RPS6KC1: variants seen among roughly 807,000 people sequenced by gnomAD.
The protein encoded by RPS6KC1 is ribosomal protein S6 kinase C1, also known as inactive ribosomal protein S6 kinase delta-1.
RPS6KC1 carries 54 observed loss-of-function variants against 103.8 expected under a neutral mutation model. That is an observed-to-expected ratio of 0.52 (90% confidence interval 0.42 to 0.65). The LOEUF is 0.65. RPS6KC1 is among the 30% of genes least tolerant of loss of function. The pLI is 0.00. For synonymous variants in RPS6KC1, 439 were observed against 438.7 expected, an observed-to-expected ratio of 1.00 and a Z score of -0.01; for missense variants, 1,151 against 1,253.8, an observed-to-expected ratio of 0.92 and a Z score of 1.24.
intron 3 of RPS6KC1, among the ~76,000 whole-genome samples, chr1:213,096,784 C>A (rs1231937880): frequency 6.6e-6 from 1 of 152,054 alleles, no homozygotes; most frequent in African/African-American, 2.4e-5. Context: ...TGAGAGGAAT[C>A]ACTTGTATGT....
the RPS6KC1 span, among the ~76,000 whole-genome samples, chr1:213,626,228 C>A: frequency 6.6e-6 from 1 of 152,188 alleles, no homozygotes; most frequent in African/African-American, 2.4e-5. Context: ...TAAATGTCTT[C>A]TTTGGAGAAG....
At chr1:213,054,056 G>A (rs894411453) in intron 1 of RPS6KC1, among the ~76,000 whole-genome samples, 3 of 151,986 alleles carry the variant, frequency 2.0e-5, no homozygotes, top group African/African-American at 7.3e-5. Context: ...GTCTGGTCTC[G>A]AACTCCTGAC....
the RPS6KC1 span, among the ~76,000 whole-genome samples, chr1:213,400,746 A>G: frequency 1.3e-5 from 2 of 149,342 alleles, no homozygotes; most frequent in African/African-American, 5.0e-5. Flanking sequence ...TCGCTCTGTC[A>G]CCCAGGCTGG....
the RPS6KC1 span, among the ~76,000 whole-genome samples, chr1:213,554,663 C>T: frequency 6.6e-6 from 1 of 152,162 alleles, no homozygotes. Flanking sequence ...GTACCTACTT[C>T]CTCTCTCCTT....
In RPS6KC1 at chr1:213,240,745, T is replaced by C; in HGVS notation, c.1269T>C (p.Ser423=). The change falls in exon 11 of 15, where the codon AGT becomes AGC. Residue 423 remains serine (S), a synonymous_variant. Coordinates refer to ENST00000366960, the MANE Select transcript of RPS6KC1 (RefSeq NM_012424.6). Reference sequence around the variant, plus strand: ...ATATCAGTAAATTTCTAAACAGAAGTCCTGAAGAAAGCTTTGACATCAAGG... The same window carrying C: ...ATATCAGTAAATTTCTAAACAGAAGCCCTGAAGAAAGCTTTGACATCAAGG... ...WSYISKFLNR[S]PEESFDIKEV... 6.2e-7 allele frequency: 1 copy of C among 1,613,510 alleles called. No homozygotes were observed. The highest frequency in any genetic ancestry group is 8.5e-7 in the Non-Finnish European group (1 of 1,179,736).
the RPS6KC1 span, among the ~76,000 whole-genome samples, chr1:213,437,064 A>G: frequency 6.6e-6 from 1 of 152,116 alleles, no homozygotes; most frequent in Non-Finnish European, 1.5e-5. Flanking sequence ...GATAATAGAC[A>G]TCCCTATTTT....
intron 6 of RPS6KC1, among the ~76,000 whole-genome samples, chr1:213,166,388 T>C (rs556209683): frequency 2.0e-5 from 3 of 152,306 alleles, no homozygotes; most frequent in Admixed American, 6.5e-5. Flanking sequence ...ATAGCTTTTA[T>C]TATGTGGCAT....
the RPS6KC1 span, among the ~76,000 whole-genome samples, chr1:213,426,154 G>A: frequency 6.6e-6 from 1 of 152,166 alleles, no homozygotes; most frequent in African/African-American, 2.4e-5. Flanking sequence ...CACTGCCAGG[G>A]TGTGAACATT....
chr1:213,774,811 A>G, the RPS6KC1 span, among the ~76,000 whole-genome samples: 30 of 152,364 alleles, frequency 2.0e-4, no homozygotes, highest in Middle Eastern at 0.01. Context: ...TGTGTGCCAC[A>G]GAGAAATAAT....
the RPS6KC1 span, among the ~76,000 whole-genome samples, chr1:213,589,387 C>T: frequency 3.3e-5 from 5 of 152,274 alleles, 1 homozygote; most frequent in South Asian, 1.0e-3. Context: ...GGCCTGTAAT[C>T]CCAGCGCTTT....
the RPS6KC1 span, among the ~76,000 whole-genome samples, chr1:213,778,547 T>C: frequency 9.8e-5 from 15 of 152,296 alleles, no homozygotes; most frequent in Admixed American, 2.0e-4. Context: ...TGCAACAATG[T>C]GGCCTGATCC....
At chr1:213,462,618 G>T in the RPS6KC1 span, among the ~76,000 whole-genome samples, 1 of 152,162 alleles carries the variant, frequency 6.6e-6, no homozygotes, top group Admixed American at 6.5e-5. Flanking sequence ...CATGGATGAA[G>T]CTGGAAACCA....
At chr1:213,629,778 G>T in the RPS6KC1 span, among the ~76,000 whole-genome samples, 1 of 152,036 alleles carries the variant, frequency 6.6e-6, no homozygotes, top group Non-Finnish European at 1.5e-5. Context: ...GGGCAGGCCT[G>T]GTGGTGACAA....
At chr1:213,557,709 C>T in the RPS6KC1 span, among the ~76,000 whole-genome samples, 1 of 152,194 alleles carries the variant, frequency 6.6e-6, no homozygotes, top group African/African-American at 2.4e-5. Context: ...GAGGGCATGC[C>T]AGTGTTGTCT....
chr1:213,272,723 T>C lies in RPS6KC1; in HGVS notation c.*89T>C, dbSNP rs1477109236. 2 of 912,652 alleles carry C rather than the reference T, an allele frequency of 2.2e-6. No homozygotes were observed. The highest frequency in any genetic ancestry group is 1.6e-5 in the African/African-American group (1 of 61,244). The allele number at this position is 912,652 out of a possible 1,614,324, so 56.5% of individuals were successfully genotyped here. On this transcript the variant is annotated 3_prime_UTR_variant, in exon 15 of 15. Coordinates refer to ENST00000366960, the MANE Select transcript of RPS6KC1 (RefSeq NM_012424.6). ...GGCACCTCTGACTCACAGTTACTTA[T>C]GGAGCACCAAAGCATTTGGATAAAG... is the stretch of plus-strand genomic sequence containing the variant.
At chr1:213,668,834 T>C in the RPS6KC1 span, among the ~76,000 whole-genome samples, 1 of 152,222 alleles carries the variant, frequency 6.6e-6, no homozygotes. Flanking sequence ...CTGCCTCTTT[T>C]TGCACCTTTA....
the RPS6KC1 span, among the ~76,000 whole-genome samples, chr1:213,532,605 C>G: frequency 6.6e-6 from 1 of 152,244 alleles, no homozygotes; most frequent in East Asian, 1.9e-4. Flanking sequence ...TAACAGCAGA[C>G]TAACAGAATC....
the RPS6KC1 span, among the ~76,000 whole-genome samples, chr1:213,464,062 T>C: frequency 7.2e-5 from 11 of 152,218 alleles, no homozygotes; most frequent in African/African-American, 2.7e-4. Context: ...TTTGGTTCAT[T>C]ATTTTTTAGT....
the RPS6KC1 span, among the ~76,000 whole-genome samples, chr1:213,734,026 A>T: frequency 6.6e-6 from 1 of 152,232 alleles, no homozygotes; most frequent in Non-Finnish European, 1.5e-5. Flanking sequence ...GGAAAAAAGA[A>T]CACACAAGAA....
Sources: allele counts gnomAD v4.1 joint callset (sites outside exome capture counted in the v4.1 genomes callset), GRCh38; gene constraint gnomAD v4.1.1; transcripts MANE v1.5; gene names NCBI Gene and HGNC (gene_info 2026-07-23, HGNC 2026-07-21).